Variants in PRTG observed in about 807,000 individuals in gnomAD.
PRTG encodes protogenin.
PRTG carries 67 observed loss-of-function variants against 122.5 expected under a neutral mutation model. The observed-to-expected ratio is 0.55, with a 90% CI of 0.45 to 0.67. PRTG has a LOEUF of 0.67. Ranked by LOEUF, PRTG falls within the 30% of genes least tolerant of loss-of-function variation. The pLI is 0.00. For synonymous variants in PRTG, 554 were observed against 501.1 expected (o/e 1.11, Z -1.41); for missense variants, 1,435 against 1,415.4 (o/e 1.01, Z -0.22).
intron 11 of PRTG, among the ~76,000 whole-genome samples, chr15:55,646,993 G>A (rs922501801): frequency 6.6e-6 from 1 of 151,944 alleles, no homozygotes; most frequent in African/African-American, 2.4e-5. Context: ...TGGATTATTA[G>A]TCACATAAAG....
chr15:55,678,819 T>G (rs900905849), intron 7 of PRTG, among the ~76,000 whole-genome samples: 1 of 152,228 alleles, frequency 6.6e-6, no homozygotes, highest in South Asian at 2.1e-4. Context: ...ATTTTTAAGT[T>G]TTGTTCAACA....
Position 55,742,535 on chromosome 15 carries a change from G to C in PRTG, c.94+303C>G, listed in dbSNP as rs1415311665. ...GGAGCCGGGACAATGGCGCGAGAAG[G>C]AAGAGACCAGAGTGGACAGCGGCCG... On this transcript the variant is annotated intron_variant, in intron 1 of 19. Coordinates refer to ENST00000389286, the MANE Select transcript of PRTG (RefSeq NM_173814.6). 12 of 343,392 alleles carry C rather than the reference G, an allele frequency of 3.5e-5. No homozygotes were observed. In the East Asian group the frequency reaches 5.7e-4, roughly 16 times the overall value. 21.3% of individuals were successfully genotyped at this position (343,392 alleles called of 1,614,324 possible).
intron 2 of PRTG, among the ~76,000 whole-genome samples, chr15:55,724,714 C>T (rs1478618389): frequency 6.6e-6 from 1 of 152,106 alleles, no homozygotes; most frequent in Non-Finnish European, 1.5e-5. Context: ...GCCAAGATCA[C>T]ACCATGGCAC....
At chr15:55,648,729 T>C (rs763306077) in intron 11 of PRTG, among the ~76,000 whole-genome samples, 1 of 152,198 alleles carries the variant, frequency 6.6e-6, no homozygotes, top group Non-Finnish European at 1.5e-5. Flanking sequence ...AAAGTCCTGA[T>C]GAAATAGCAG....
At chr15:55,709,019 G>C (rs1287046510) in intron 2 of PRTG, among the ~76,000 whole-genome samples, 1 of 151,314 alleles carries the variant, frequency 6.6e-6, no homozygotes, top group African/African-American at 2.4e-5. Flanking sequence ...GGTGGTGCGT[G>C]CATGTAGTCC....
In PRTG at chr15:55,672,624, G is replaced by A. The variant is rs1391433039; in HGVS notation, c.1862C>T (p.Ser621Phe). ...PKATSVKAPK[S>F]PELHLEPLNC... ...CAGAGGCTCCAAATGCAACTCTGGA[G>A]ACTTAGGGGCTAGCAAAATTCATCA... is the stretch of plus-strand genomic sequence containing the variant. Residue 621 changes from serine (S) to phenylalanine (F), a missense_variant, in exon 11 of 20, where the codon TCT (serine) becomes TTT (phenylalanine). By Grantham distance (155) the Ser-to-Phe change is radical. Coordinates refer to ENST00000389286, the MANE Select transcript of PRTG (RefSeq NM_173814.6). The A allele has an allele frequency of 6.2e-7, 1 of 1,611,812 alleles. No individual in the cohort carries two copies. Among genetic ancestry groups the A allele is most frequent in the Non-Finnish European group, 8.5e-7 (1 of 1,179,168 alleles).
intron 2 of PRTG, among the ~76,000 whole-genome samples, chr15:55,733,205 C>G (rs2031296107): frequency 6.6e-6 from 1 of 151,732 alleles, no homozygotes; most frequent in African/African-American, 2.4e-5. Context: ...AAGACTCTGT[C>G]TCAAAAAATA....
chr15:55,700,777 T>C (rs2059659153), intron 2 of PRTG, among the ~76,000 whole-genome samples: 1 of 152,028 alleles, frequency 6.6e-6, no homozygotes, highest in South Asian at 2.1e-4. Flanking sequence ...ACTCTGTCTC[T>C]AAAAATAAAT....
At chr15:55,699,116 T>A (rs947939334) in intron 2 of PRTG, among the ~76,000 whole-genome samples, 1 of 152,190 alleles carries the variant, frequency 6.6e-6, no homozygotes, top group African/African-American at 2.4e-5. Flanking sequence ...CTAATAGATA[T>A]TATTTCTCTA....
At chr15:55,636,665 G>A (rs907000408) in intron 15 of PRTG, among the ~76,000 whole-genome samples, 4 of 151,078 alleles carry the variant, frequency 2.6e-5, no homozygotes, top group African/African-American at 7.3e-5. Flanking sequence ...TTACCCCCCC[G>A]AGACAGAGTC....
intron 11 of PRTG, among the ~76,000 whole-genome samples, chr15:55,643,928 A>G (rs1409715282): frequency 1.3e-5 from 2 of 151,864 alleles, no homozygotes; most frequent in Non-Finnish European, 2.9e-5. Flanking sequence ...CAGTGGTGCA[A>G]TCATGGCTCA....
At chr15:55,693,675 C>T (rs2059617292) in intron 2 of PRTG, among the ~76,000 whole-genome samples, 1 of 152,132 alleles carries the variant, frequency 6.6e-6, no homozygotes, top group South Asian at 2.1e-4. Context: ...GTTACTCAAT[C>T]TCAAGCCTCA....
chr15:55,677,605 T>A (rs1276470191), intron 8 of PRTG, among the ~76,000 whole-genome samples, 192 bp downstream of exon 8: 2 of 152,158 alleles, frequency 1.3e-5, no homozygotes, highest in Non-Finnish European at 2.9e-5. Context: ...AAACTATACT[T>A]ACATATACAA....
rs2059132607 is a variant in PRTG at position 55,614,225 on chromosome 15, A to C, written c.*5787T>G. 1 of 152,138 alleles carries C rather than the reference A, an allele frequency of 6.6e-6. No individual in the cohort carries two copies. The highest frequency in any genetic ancestry group is 6.6e-5 in the Admixed American group (1 of 15,240). The allele number at this position is 152,138 out of a possible 1,614,324, so 9.4% of individuals were successfully genotyped here. On this transcript the variant is annotated 3_prime_UTR_variant, in exon 20 of 20. Transcript: ENST00000389286. ...AGAAGAAACTAGAGCTTTGAGAACC[A>C]GGAAAAGGCCGATTGGAACCAAAAA...
At chr15:55,631,900 T>C (rs2059229576) in intron 15 of PRTG, among the ~76,000 whole-genome samples, 1 of 152,202 alleles carries the variant, frequency 6.6e-6, no homozygotes, top group Admixed American at 6.5e-5. Context: ...CGACTCCTCT[T>C]CTTCCTCTTT....
chr15:55,661,489 G>C (rs1162843325), intron 11 of PRTG, among the ~76,000 whole-genome samples: 3 of 152,102 alleles, frequency 2.0e-5, no homozygotes, highest in Non-Finnish European at 4.4e-5. Context: ...GTGGAGTGAG[G>C]CTCCACAAGT....
intron 11 of PRTG, among the ~76,000 whole-genome samples, chr15:55,649,426 T>A (rs199700290): frequency 2.8e-4 from 2 of 7,074 alleles, no homozygotes; most frequent in Non-Finnish European, 0.013. Flanking sequence ...ATAATTTAAT[T>A]CCATGAAGTG....
chr15:55,649,871 T>TCC (rs2059344371), intron 11 of PRTG, among the ~76,000 whole-genome samples: 1 of 152,118 alleles, frequency 6.6e-6, no homozygotes, highest in Non-Finnish European at 1.5e-5. Flanking sequence ...TGATTCCTAA[T>TCC]CCCTGCTCCC....
At chr15:55,624,783 T>C (rs777001910) in intron 17 of PRTG, among the ~76,000 whole-genome samples, 1 of 152,244 alleles carries the variant, frequency 6.6e-6, no homozygotes, top group African/African-American at 2.4e-5. Context: ...GAAATTACAA[T>C]TTTTAACTTC....
Sources: gnomAD v4.1 joint callset for allele counts (sites outside exome capture counted in the v4.1 genomes callset) on GRCh38, gnomAD v4.1.1 for gene constraint, MANE v1.5 for transcripts, NCBI Gene and HGNC (gene_info 2026-07-23, HGNC 2026-07-21) for gene names.